Variants in RABGAP1L observed in about 807,000 individuals in gnomAD.
The protein encoded by RABGAP1L is RAB GTPase activating protein 1 like.
In RABGAP1L, 63 loss-of-function variants were observed where a neutral mutation model predicts 137.7. The observed-to-expected ratio is 0.46, with a 90% CI of 0.37 to 0.56. The LOEUF (loss-of-function observed/expected upper bound fraction) is 0.56, where lower values mean the gene tolerates loss of function less well. Ranked by LOEUF, RABGAP1L falls within the 20% of genes least tolerant of loss-of-function variation. RABGAP1L has a pLI of 0.00. For synonymous variants in RABGAP1L, 431 were observed against 433.7 expected, an observed-to-expected ratio of 0.99 and a Z score of 0.08; for missense variants, 1,095 against 1,244.0, an observed-to-expected ratio of 0.88 and a Z score of 1.80.
chr1:174,201,412 A>G lies in RABGAP1L; in HGVS notation c.-33-17713A>G, dbSNP rs185540585. 6.7e-3 allele frequency among the ~76,000 whole-genome samples: 1,020 copies of G among 152,054 alleles called. 13 individuals are homozygous for G. Among genetic ancestry groups the G allele is most frequent in the African/African-American group, 0.023 (959 of 41,474 alleles). On this transcript the variant is annotated intron_variant, in intron 1 of 25. Coordinates refer to ENST00000681986, the MANE Select transcript of RABGAP1L (RefSeq NM_001366446.1). ...GGAGTTTCACCATGTTGGTTAGTCTAGTCTCGAACTCCTGAGCTCAGGTGA... is the reference window on the plus strand; with the variant it reads ...GGAGTTTCACCATGTTGGTTAGTCTGGTCTCGAACTCCTGAGCTCAGGTGA...
chr1:174,360,425 G>A (rs1360123398), intron 11 of RABGAP1L, among the ~76,000 whole-genome samples: 1 of 151,938 alleles, frequency 6.6e-6, no homozygotes, highest in Non-Finnish European at 1.5e-5. Flanking sequence ...ATTTCTTACA[G>A]TTTTTTTAAA....
intron 13 of RABGAP1L, among the ~76,000 whole-genome samples, chr1:174,570,845 T>C (rs746287324): frequency 2.6e-5 from 4 of 152,090 alleles, no homozygotes; most frequent in Non-Finnish European, 5.9e-5. Flanking sequence ...ACAACCACCA[T>C]GGAGAACAGT....
chr1:174,590,006 G>C (rs1669440883), intron 13 of RABGAP1L, among the ~76,000 whole-genome samples: 1 of 151,674 alleles, frequency 6.6e-6, no homozygotes, highest in Non-Finnish European at 1.5e-5. Flanking sequence ...GAATGAGATT[G>C]ATACTTTGAT....
At chr1:174,965,260 G>A (rs755764159) in intron 20 of RABGAP1L, among the ~76,000 whole-genome samples, 3 of 152,202 alleles carry the variant, frequency 2.0e-5, no homozygotes, top group Non-Finnish European at 4.4e-5. Flanking sequence ...AGGCAAGAGG[G>A]AGCCAGTTTG....
At chr1:174,458,117 TGGATAACTATAGGGCAAGATAG>T (rs1656248514) in intron 13 of RABGAP1L, among the ~76,000 whole-genome samples, 1 of 152,126 alleles carries the variant, frequency 6.6e-6, no homozygotes, top group African/African-American at 2.4e-5. Context: ...GGACTTTATA[TGGATAACTATAGGGCAAGATAG>T]GAGCTGACAA....
At chr1:174,445,265 G>C (rs1285848712) in intron 13 of RABGAP1L, among the ~76,000 whole-genome samples, 2 of 152,090 alleles carry the variant, frequency 1.3e-5, no homozygotes, top group Non-Finnish European at 2.9e-5. Flanking sequence ...TTTGTCTGTA[G>C]TAAGTCAAAA....
At chr1:174,605,251 G>A (rs1273916275) in intron 13 of RABGAP1L, among the ~76,000 whole-genome samples, 1 of 152,138 alleles carries the variant, frequency 6.6e-6, no homozygotes, top group African/African-American at 2.4e-5. Context: ...TGGTGAGGAG[G>A]GACCCTCTGA....
intron 3 of RABGAP1L, among the ~76,000 whole-genome samples, chr1:174,222,098 G>A (rs952396518): frequency 2.0e-5 from 3 of 151,514 alleles, no homozygotes; most frequent in Admixed American, 6.6e-5. Flanking sequence ...CCAAAGTGTC[G>A]GGTTTACCAG....
chr1:174,605,693 A>G (rs943957857), intron 13 of RABGAP1L, among the ~76,000 whole-genome samples: 1 of 152,194 alleles, frequency 6.6e-6, no homozygotes, highest in African/African-American at 2.4e-5. Context: ...AGCTGAACCA[A>G]TTGAGATGTC....
chr1:174,307,083 TC>T (rs35981199), intron 11 of RABGAP1L, among the ~76,000 whole-genome samples: 13,629 of 152,172 alleles, frequency 0.09, 832 homozygotes, highest in East Asian at 0.22. Context: ...AGTCTTACAA[TC>T]CCATGAATAC....
chr1:174,953,531 C>G (rs1668049085), intron 19 of RABGAP1L, among the ~76,000 whole-genome samples: 1 of 152,198 alleles, frequency 6.6e-6, no homozygotes, highest in Non-Finnish European at 1.5e-5. Context: ...GACCCACTCT[C>G]ATCTGTAATG....
intron 5 of RABGAP1L, chr1:174,244,805 C>G (rs1325404196): frequency 6.6e-6 from 1 of 152,132 alleles, no homozygotes; most frequent in East Asian, 1.9e-4. Context: ...TTGAGTCTTT[C>G]TAAGATTTTA....
At chr1:174,342,996 C>T (rs1035709867) in intron 11 of RABGAP1L, among the ~76,000 whole-genome samples, 9 of 152,218 alleles carry the variant, frequency 5.9e-5, no homozygotes, top group Admixed American at 6.5e-5. Context: ...GCCTTGGCCT[C>T]CCAAAGTGCT....
intron 13 of RABGAP1L, among the ~76,000 whole-genome samples, chr1:174,417,427 G>A (rs1479407775): frequency 6.6e-6 from 1 of 152,126 alleles, no homozygotes; most frequent in African/African-American, 2.4e-5. Flanking sequence ...GAATGTTGGG[G>A]GTAATTGCCT....
intron 11 of RABGAP1L, among the ~76,000 whole-genome samples, chr1:174,307,002 A>T (rs1252131212): frequency 6.6e-6 from 1 of 152,116 alleles, no homozygotes; most frequent in Admixed American, 6.5e-5. Flanking sequence ...AATTATTTTT[A>T]GCTAATATTT....
chr1:174,512,938 T>C (rs1361435493), intron 13 of RABGAP1L, among the ~76,000 whole-genome samples: 2 of 152,218 alleles, frequency 1.3e-5, no homozygotes, highest in Non-Finnish European at 2.9e-5. Flanking sequence ...ATTTTCTAGC[T>C]CTTGCTTACA....
At chr1:174,257,739 T>C (rs905443531) in intron 7 of RABGAP1L, among the ~76,000 whole-genome samples, 10 of 152,202 alleles carry the variant, frequency 6.6e-5, no homozygotes, top group African/African-American at 2.4e-4. Context: ...CGAGTACACA[T>C]TTGTACACAT....
chr1:174,834,208 C>T (rs148878533), intron 19 of RABGAP1L, among the ~76,000 whole-genome samples: 2,193 of 152,156 alleles, frequency 0.014, 27 homozygotes, highest in Middle Eastern at 0.044. Context: ...GGGAAGATCA[C>T]CTGAGGTTGG....
chr1:174,737,401 G>A (rs1189375441), intron 17 of RABGAP1L, among the ~76,000 whole-genome samples: 1 of 152,138 alleles, frequency 6.6e-6, no homozygotes, highest in African/African-American at 2.4e-5. Flanking sequence ...CTTTGCTCCA[G>A]TTCCTAATAA....
Sources: gnomAD v4.1 joint callset for allele counts (sites outside exome capture counted in the v4.1 genomes callset) on GRCh38, gnomAD v4.1.1 for gene constraint, MANE v1.5 for transcripts, NCBI Gene and HGNC (gene_info 2026-07-23, HGNC 2026-07-21) for gene names.